Variants in HIBCH observed in about 807,000 individuals in gnomAD.
HIBCH encodes the protein 3-hydroxyisobutyryl-CoA hydrolase, mitochondrial.
A neutral mutation model predicts 58.2 loss-of-function variants in HIBCH; 50 were observed. The observed-to-expected ratio is 0.86, with a 90% CI of 0.68 to 1.09. The LOEUF (loss-of-function observed/expected upper bound fraction) is 1.09, where lower values mean the gene tolerates loss of function less well. Among genes scored for constraint, HIBCH ranks in the 50% least tolerant of loss-of-function variants. HIBCH has a pLI of 0.00. For missense variants in HIBCH, 450 were observed against 449.7 expected (o/e 1.00, Z -0.01); for synonymous variants, 151 against 146.9 (o/e 1.03, Z -0.20).
At chr2:190,307,462 A>T (rs2124852481) in intron 2 of HIBCH, among the ~76,000 whole-genome samples, 1 of 152,330 alleles carries the variant, frequency 6.6e-6, no homozygotes, top group Non-Finnish European at 1.5e-5. Context: ...ATTTGTGCCC[A>T]GAGGTTCGAG....
chr2:190,233,562 T>C (rs1686175163), intron 11 of HIBCH, among the ~76,000 whole-genome samples: 1 of 152,236 alleles, frequency 6.6e-6, no homozygotes, highest in African/African-American at 2.4e-5. Flanking sequence ...TATAAGTCCA[T>C]TAAATCTCTT....
At position 190,216,250 on chromosome 2, in the gene HIBCH, G is replaced by C. The variant is rs781686291; in HGVS notation, c.892-3175C>G. The C allele has an allele frequency of 6.5e-6, 1 of 152,734 alleles. No homozygotes were observed. Among genetic ancestry groups the C allele is most frequent in the Non-Finnish European group, 1.5e-5 (1 of 68,396 alleles). The allele number at this position is 152,734 out of a possible 1,614,324, so 9.5% of individuals were successfully genotyped here. ...GAGGCGGGACAGAGCCTGGGAACCG[G>C]GCGATGCAAATGAGAAAGGGATGTG... is the stretch of plus-strand genomic sequence containing the variant. On this transcript the variant is annotated intron_variant, in intron 11 of 13. Coordinates refer to ENST00000359678, the MANE Select transcript of HIBCH (RefSeq NM_014362.4). This position sits in a 1 kb window ranked among gnomAD's most constrained non-coding sequence, Gnocchi z 4.2.
Position 190,209,790 on chromosome 2 carries a change from T to C in HIBCH, c.1012-877A>G, listed in dbSNP as rs1690475201. The stretch of plus-strand genomic sequence containing the variant: ...TTTTATTTTCCTAGAATCATCGATG[T>C]AGGCAATATAGCTGAGTTCAAATGT... On this transcript the variant is annotated intron_variant, in intron 12 of 13. Transcript: ENST00000359678. This position sits in a 1 kb window ranked among gnomAD's most constrained non-coding sequence, Gnocchi z 5.6. 6.6e-6 allele frequency among the ~76,000 whole-genome samples: 1 copy of C among 152,212 alleles called. No homozygotes were observed. The highest frequency in any genetic ancestry group is 1.5e-5 in the Non-Finnish European group (1 of 68,030).
Position 190,290,128 on chromosome 2 carries a change from C to T in HIBCH, c.385+277G>A, listed in dbSNP as rs931502597. Among the ~76,000 whole-genome samples, 5 of 152,226 alleles carry T rather than the reference C, an allele frequency of 3.3e-5. No individual in the cohort carries two copies. The South Asian group carries it at 1.0e-3, about 32-fold the overall frequency. On this transcript the variant is annotated intron_variant, in intron 5 of 13. Transcript: ENST00000359678. ...TCCTGAACTCAGGTGATCCACCCAC[C>T]TCAGCCTCCCAAATTGCTGGGATTA...
chr2:190,225,055 T>G (rs1347557017), intron 11 of HIBCH, among the ~76,000 whole-genome samples: 2 of 152,200 alleles, frequency 1.3e-5, no homozygotes, highest in Non-Finnish European at 2.9e-5. Flanking sequence ...AGAAATAAGA[T>G]GTTCTTTGAA....
chr2:190,314,797 T>C lies in HIBCH; in HGVS notation c.36-4001A>G, dbSNP rs576786775. Among the ~76,000 whole-genome samples, 139 of 152,172 alleles carry C rather than the reference T, an allele frequency of 9.1e-4. 1 individual carries two copies. Among genetic ancestry groups the C allele is most frequent in the Non-Finnish European group, 1.5e-3 (99 of 68,002 alleles). On this transcript the variant is annotated intron_variant, in intron 1 of 13. Coordinates refer to ENST00000359678, the MANE Select transcript of HIBCH (RefSeq NM_014362.4). Reference sequence around the variant, plus strand: ...CCCAGCCCATTCGTTCTAATTCAAATTCAGCTGTCACTTAAAATTTGATAT... The same window carrying C: ...CCCAGCCCATTCGTTCTAATTCAAACTCAGCTGTCACTTAAAATTTGATAT...
In HIBCH at chr2:190,197,358, G is replaced by C. The variant is rs1690028207; in HGVS notation, c.*18-7361C>G. ...CAGGCTGCAATTCCAAGGATTCTAAGTACTGTATAACTTCTGGTGTCACTG... is the reference window on the plus strand; with the variant it reads ...CAGGCTGCAATTCCAAGGATTCTAACTACTGTATAACTTCTGGTGTCACTG... On this transcript the variant is annotated intron_variant, in intron 1 of 1. Transcript: ENST00000399855. The surrounding 1 kb of genome is among the most constrained non-coding windows in gnomAD (Gnocchi z 4.0). 6.6e-6 allele frequency among the ~76,000 whole-genome samples: 1 copy of C among 152,146 alleles called. No homozygotes were observed. Among genetic ancestry groups the C allele is most frequent in the Non-Finnish European group, 1.5e-5 (1 of 68,016 alleles).
intron 6 of HIBCH, among the ~76,000 whole-genome samples, chr2:190,266,957 A>G (rs941559034): frequency 6.6e-6 from 1 of 151,464 alleles, no homozygotes; most frequent in Non-Finnish European, 1.5e-5. Context: ...GGGTTTCACC[A>G]CGTTGGCTAG....
intron 8 of HIBCH, among the ~76,000 whole-genome samples, chr2:190,251,765 T>A (rs1194339524): frequency 2.6e-5 from 4 of 151,606 alleles, no homozygotes; most frequent in African/African-American, 9.7e-5. Flanking sequence ...TTACTTTCAA[T>A]GCGCTAGGGA....
intron 9 of HIBCH, among the ~76,000 whole-genome samples, chr2:190,247,663 A>G (rs1686649392): frequency 6.6e-6 from 1 of 152,096 alleles, no homozygotes; most frequent in Non-Finnish European, 1.5e-5. Flanking sequence ...AGTTTTCCTC[A>G]ACCACAGATT....
Position 190,246,161 on chromosome 2 carries a change from T to C in HIBCH, c.802A>G (p.Ile268Val). The change falls in exon 10 of 14, where the codon ATA becomes GTA. Residue 268 changes from isoleucine (I) to valine (V), a missense_variant. Physicochemically the swap from Ile to Val is conservative, Grantham distance 29 (BLOSUM62 3). Transcript: ENST00000359678. ...SFILEEHMDKINSCFSANTVE... is the reference protein window; with the variant it reads ...SFILEEHMDKVNSCFSANTVE... ...AGATCTCTTTTTAGGTACCTGTTTA[T>C]TTTGTCCATGTGTTCCTCAAGTATA... The C allele has an allele frequency of 6.3e-7, 1 of 1,576,024 alleles. No individual in the cohort carries two copies. The highest frequency in any genetic ancestry group is 2.2e-5 in the East Asian group (1 of 44,538).
intron 1 of HIBCH, among the ~76,000 whole-genome samples, chr2:190,314,722 G>A (rs546771499): frequency 3.3e-5 from 5 of 152,140 alleles, no homozygotes; most frequent in East Asian, 3.9e-4. Context: ...CAGGTGATCC[G>A]CCCACCTGGG....
chr2:190,222,762 C>T (rs1231437942), intron 11 of HIBCH, among the ~76,000 whole-genome samples: 2 of 152,176 alleles, frequency 1.3e-5, no homozygotes, highest in Non-Finnish European at 2.9e-5. Context: ...CCAGCAATCC[C>T]ATTACTGGGT....
chr2:190,260,095 T>C (rs1320150664), intron 7 of HIBCH, among the ~76,000 whole-genome samples: 2 of 152,116 alleles, frequency 1.3e-5, no homozygotes, highest in African/African-American at 4.8e-5. Flanking sequence ...ATAAAAGGTA[T>C]CCAGATTAGA....
chr2:190,249,779 A>G, intron 8 of HIBCH, 53 bp from the exon 9 acceptor site: 1 of 1,107,294 alleles, frequency 9.0e-7, no homozygotes, highest in Non-Finnish European at 1.4e-6. Context: ...AGAAACATAG[A>G]AAGCTTTATA....
intron 2 of HIBCH, among the ~76,000 whole-genome samples, chr2:190,302,346 G>A (rs1575761148): frequency 6.6e-6 from 1 of 152,216 alleles, no homozygotes; most frequent in African/African-American, 2.4e-5. Flanking sequence ...AAGCTAACAT[G>A]TATGCACATG....
At chr2:190,291,536 G>A (rs749902905) in intron 4 of HIBCH, among the ~76,000 whole-genome samples, 2 of 152,252 alleles carry the variant, frequency 1.3e-5, no homozygotes, top group East Asian at 1.9e-4. Context: ...GAATCAAACA[G>A]CTTTAAAAGA....
intron 5 of HIBCH, among the ~76,000 whole-genome samples, chr2:190,289,498 G>T (rs144291947): frequency 6.6e-6 from 1 of 152,246 alleles, no homozygotes; most frequent in Admixed American, 6.5e-5. Flanking sequence ...GGTTGTTTTT[G>T]AGGAGGGATA....
intron 6 of HIBCH, among the ~76,000 whole-genome samples, chr2:190,273,372 G>T (rs1327113423): frequency 6.6e-6 from 1 of 152,074 alleles, no homozygotes; most frequent in Admixed American, 6.5e-5. Context: ...CAGCCTGGGT[G>T]ACAGAGCGAG....
Sources: allele counts gnomAD v4.1 joint callset (sites outside exome capture counted in the v4.1 genomes callset), GRCh38; gene constraint gnomAD v4.1.1; non-coding constraint Gnocchi (gnomAD v3.1); transcripts MANE v1.5; gene names NCBI Gene and HGNC (gene_info 2026-07-23, HGNC 2026-07-21).